The following BAZ2B variants were observed in gnomAD, a reference collection of about 807,000 sequenced individuals.
BAZ2B encodes bromodomain adjacent to zinc finger domain 2B, also known as bromodomain adjacent to zinc finger domain protein 2B.
In BAZ2B, 91 loss-of-function variants were observed where a neutral mutation model predicts 246.0. The ratio of observed to expected loss-of-function variants is 0.37; its 90% CI spans 0.31 to 0.44. BAZ2B has a LOEUF of 0.44. BAZ2B is among the 20% of genes least tolerant of loss of function. BAZ2B has a pLI of 1.00. For synonymous variants in BAZ2B, 855 were observed against 860.0 expected (o/e 0.99, Z 0.10); for missense variants, 2,332 against 2,533.7 (o/e 0.92, Z 1.71).
At chr2:159,448,157 CA>C (rs2074530343) in intron 5 of BAZ2B, 84 bp downstream of exon 5, 19 of 1,474,028 alleles carry the variant, frequency 1.3e-5, no homozygotes, top group Admixed American at 2.4e-5. Context: ...AAACAAAAAA[CA>C]AAAAAAGGTA....
intron 1 of BAZ2B, among the ~76,000 whole-genome samples, chr2:159,578,774 T>A (rs1301716073): frequency 6.6e-6 from 1 of 152,056 alleles, no homozygotes; most frequent in East Asian, 1.9e-4. Flanking sequence ...AGAAACTCAC[T>A]CAAAACCGCT....
chr2:159,373,418 T>C (rs1191009600), intron 26 of BAZ2B, among the ~76,000 whole-genome samples: 1 of 152,256 alleles, frequency 6.6e-6, no homozygotes, highest in Non-Finnish European at 1.5e-5. Flanking sequence ...AAGGATAAGC[T>C]ACCTGATAAA....
the BAZ2B span, among the ~76,000 whole-genome samples, chr2:159,639,259 G>A: frequency 6.6e-6 from 1 of 152,118 alleles, no homozygotes; most frequent in African/African-American, 2.4e-5. Flanking sequence ...CTTTCATCAA[G>A]ACCAGACCTG....
intron 18 of BAZ2B, among the ~76,000 whole-genome samples, chr2:159,397,782 C>T (rs2064263115): frequency 6.6e-6 from 1 of 152,094 alleles, no homozygotes; most frequent in African/African-American, 2.4e-5. Context: ...ATGGTGCAAC[C>T]CTCAAATCTA....
intron 27 of BAZ2B, among the ~76,000 whole-genome samples, chr2:159,356,147 C>T (rs1416621197): frequency 6.6e-6 from 1 of 152,158 alleles, no homozygotes; most frequent in African/African-American, 2.4e-5. Flanking sequence ...GAACCATTCA[C>T]TCCCCTGGAA....
At chr2:159,447,106 T>A in intron 5 of BAZ2B, 131 bp from the exon 6 acceptor site, 1 of 616,786 alleles carries the variant, frequency 1.6e-6, no homozygotes, top group Non-Finnish European at 2.5e-6. Flanking sequence ...AAGGTCATGT[T>A]GTATGATTCC....
At position 159,349,080 on chromosome 2, in the gene BAZ2B, G is replaced by A. The variant is rs368195410; in HGVS notation, c.5064C>T (p.Ala1688=). The change falls in exon 29 of 37, where the codon GCC becomes GCT. Residue 1688 remains alanine (A), a synonymous_variant. Transcript: ENST00000392783. The part of the protein sequence containing the change: ...SESPVPQNEK[A]TSAQPAAVEV... The stretch of plus-strand genomic sequence containing the variant: ...CAACAGCTGCAGGTTGAGCTGAAGT[G>A]GCCTTTTCATTCTGTGGTACTGGAG... The A allele has an allele frequency of 7.9e-5, 127 of 1,613,946 alleles. No homozygotes were observed. Among genetic ancestry groups the A allele is most frequent in the South Asian group, 6.1e-4 (56 of 91,084 alleles).
chr2:159,669,074 A>G, the BAZ2B span, among the ~76,000 whole-genome samples: 1 of 152,134 alleles, frequency 6.6e-6, no homozygotes, highest in East Asian at 1.9e-4. Flanking sequence ...AAAAGAAAGA[A>G]AGAAAGAAAG....
chr2:159,416,701 C>T (rs2067781401), intron 13 of BAZ2B, among the ~76,000 whole-genome samples: 1 of 152,138 alleles, frequency 6.6e-6, no homozygotes, highest in Non-Finnish European at 1.5e-5. Flanking sequence ...TATGTTGGTG[C>T]CTAGAACTTA....
At position 159,438,331 on chromosome 2, in the gene BAZ2B, A is replaced by G. The variant is rs3213790; in HGVS notation, c.1265T>C (p.Leu422Ser). The change falls in exon 8 of 37, where the codon TTA becomes TCA. Residue 422 changes from leucine to serine, a missense_variant. By Grantham distance (145) the Leu-to-Ser change is moderately radical (BLOSUM62 -2). This residue lies in a region of BAZ2B where 651 missense variants were observed against 650.9 expected (regional missense o/e 1.00). Coordinates refer to ENST00000392783, the MANE Select transcript of BAZ2B (RefSeq NM_013450.4). ...TTTGGATCTCAATTCACTGGTCAAT[A>G]AACTAGATTCTTCAGAGGTATTTTT... ...GNKNTSEESSLLTSELRSKRE... is the reference protein window; with the variant it reads ...GNKNTSEESSSLTSELRSKRE... The G allele has an allele frequency of 0.13, 204,200 of 1,612,980 alleles. 14,454 individuals carry two copies. The highest frequency in any genetic ancestry group is 0.24 in the South Asian group (21,637 of 90,984).
At chr2:159,422,654 C>T (rs181531892) in intron 13 of BAZ2B, among the ~76,000 whole-genome samples, 83 of 152,178 alleles carry the variant, frequency 5.5e-4, no homozygotes, top group East Asian at 5.8e-4. Context: ...TTCTGAACAT[C>T]AGCCTTGGCA....
At chr2:159,604,952 G>GTGCGCA (rs200705124) in intron 1 of BAZ2B, among the ~76,000 whole-genome samples, 2 of 44,288 alleles carry the variant, frequency 4.5e-5, no homozygotes, top group Non-Finnish European at 1.3e-4. Context: ...GTGTGTGTGT[G>GTGCGCA]CGCGTGTGTG....
At chr2:159,423,784 T>C (rs1458967640) in intron 13 of BAZ2B, among the ~76,000 whole-genome samples, 1 of 152,248 alleles carries the variant, frequency 6.6e-6, no homozygotes, top group Non-Finnish European at 1.5e-5. Flanking sequence ...AAATATCACA[T>C]GTTCTCACAA....
intron 2 of BAZ2B, among the ~76,000 whole-genome samples, chr2:159,491,483 G>A (rs1194203540): frequency 6.6e-6 from 1 of 151,662 alleles, no homozygotes; most frequent in Non-Finnish European, 1.5e-5. Context: ...CACTTTGGGA[G>A]GCCGAGGCGG....
chr2:159,630,840 A>G, the BAZ2B span, among the ~76,000 whole-genome samples: 2 of 151,580 alleles, frequency 1.3e-5, no homozygotes, highest in East Asian at 1.9e-4. Context: ...GGCCAGACTA[A>G]CCGTATTCTT....
the BAZ2B span, among the ~76,000 whole-genome samples, chr2:159,646,294 C>T: frequency 6.6e-5 from 10 of 152,118 alleles, no homozygotes; most frequent in East Asian, 1.9e-4. Flanking sequence ...CCTGGCTCAC[C>T]GGCAGTCAGA....
the BAZ2B span, among the ~76,000 whole-genome samples, chr2:159,621,992 G>C: frequency 6.6e-6 from 1 of 152,082 alleles, no homozygotes; most frequent in South Asian, 2.1e-4. Context: ...TGTAATCCCA[G>C]CTACATGGGA....
chr2:159,352,573 C>A (rs370614250), intron 27 of BAZ2B, among the ~76,000 whole-genome samples: 24 of 151,768 alleles, frequency 1.6e-4, no homozygotes, highest in East Asian at 7.7e-4. Flanking sequence ...GCAACCTCGA[C>A]CTACCAAGCT....
intron 2 of BAZ2B, among the ~76,000 whole-genome samples, chr2:159,554,087 T>C (rs757791890): frequency 3.9e-5 from 6 of 152,198 alleles, no homozygotes; most frequent in East Asian, 1.9e-4. Context: ...TATCAGTCAC[T>C]TATGAACCTC....
Sources: gnomAD v4.1 joint callset for allele counts (sites outside exome capture counted in the v4.1 genomes callset) on GRCh38, gnomAD v4.1.1 for gene constraint, gnomAD v4.1.1 regional missense constraint, MANE v1.5 for transcripts, NCBI Gene and HGNC (gene_info 2026-07-23, HGNC 2026-07-21) for gene names.